SLC25A38: variants seen among roughly 807,000 people sequenced by gnomAD.
SLC25A38 encodes solute carrier family 25 member 38, also known as mitochondrial glycine transporter.
A neutral mutation model predicts 33.4 loss-of-function variants in SLC25A38; 27 were observed. The observed-to-expected ratio is 0.81, with a 90% CI of 0.60 to 1.11. The LOEUF is 1.11. Ranked by LOEUF, SLC25A38 falls within the 50% of genes most tolerant of loss-of-function variation. The pLI is 0.00. For synonymous variants in SLC25A38, 123 were observed against 145.9 expected (o/e 0.84, Z 1.13); for missense variants, 344 against 388.8 (o/e 0.88, Z 0.97).
In SLC25A38 at chr3:39,396,915, G is replaced by A. The variant is rs576792249; in HGVS notation, c.*395G>A. On this transcript the variant is annotated 3_prime_UTR_variant, in exon 7 of 7. Transcript: ENST00000650617. ...CCAGAGAAGCTGTAAGCTGCCTGCCGGGCCTGAGGAGCTCCAACCAGGGAA... is the reference window on the plus strand; with the variant it reads ...CCAGAGAAGCTGTAAGCTGCCTGCCAGGCCTGAGGAGCTCCAACCAGGGAA... 52 of 330,538 alleles carry A rather than the reference G, an allele frequency of 1.6e-4. 1 individual carries two copies. The highest frequency in any genetic ancestry group is 1.1e-3 in the South Asian group (43 of 38,496). 20.5% of individuals were successfully genotyped at this position (330,538 alleles called of 1,614,324 possible).
At position 39,389,745 on chromosome 3, in the gene SLC25A38, A is replaced by G. The variant is rs1328878553; in HGVS notation, c.191+129A>G. ...GAAACACAGGCCATGCCCAACTTTC[A>G]TATGTTCTCTGAATTGTTTTTATAT... On this transcript the variant is annotated intron_variant, in intron 2 of 6. Transcript: ENST00000650617. The surrounding 1 kb of genome is among the most constrained non-coding windows in gnomAD (Gnocchi z 4.5). 1.8e-5 allele frequency: 26 copies of G among 1,452,050 alleles called. No individual in the cohort carries two copies. In the East Asian group the frequency reaches 4.6e-4, roughly 26 times the overall value. The allele number at this position is 1,452,050 out of a possible 1,614,324, so 89.9% of individuals were successfully genotyped here.
rs1453093600 is a variant in SLC25A38 at position 39,397,014 on chromosome 3, C to T, written c.*494C>T. ...GAGGTGATGGTAGGATGAGGAGGAA[C>T]AGATGCCCTTCTTTAATTGGTTCTC... On this transcript the variant is annotated 3_prime_UTR_variant, in exon 7 of 7. Transcript: ENST00000650617. 9.6e-6 allele frequency: 2 copies of T among 207,634 alleles called. No homozygotes were observed. The highest frequency in any genetic ancestry group is 2.0e-5 in the Non-Finnish European group (2 of 100,544). 12.9% of individuals were successfully genotyped at this position (207,634 alleles called of 1,614,324 possible).
chr3:39,393,843 T>C (rs1318212945), intron 5 of SLC25A38, among the ~76,000 whole-genome samples: 1 of 152,230 alleles, frequency 6.6e-6, no homozygotes, highest in African/African-American at 2.4e-5. Flanking sequence ...AATAATGTAC[T>C]TCGTAGTAGT....
rs139033679 is a variant in SLC25A38 at position 39,383,742 on chromosome 3, T to G, written c.18T>G (p.Arg6=). 3.4e-4 allele frequency: 547 copies of G among 1,614,108 alleles called. No homozygotes were observed. The highest frequency in any genetic ancestry group is 1.4e-3 in the Admixed American group (83 of 60,030). Residue 6 remains arginine, a synonymous_variant, in exon 1 of 7, where the codon CGT becomes CGG. Transcript: ENST00000650617. MIQNS[R]PSLLQPQDVG... is the part of the protein sequence containing the mutation. ...CATCTCCAATGATTCAGAACTCACG[T>G]CCGTCGCTGCTGCAACCCCAAGATG...
rs2041743397 is a variant in SLC25A38, at chr3:39,389,951, T to G, written c.191+335T>G. ...TATCTGTTTTTGTTTTTGTTTTATT[T>G]GTTTTTTGAGGCAGATGCTCGCTCT... On this transcript the variant is annotated intron_variant, in intron 2 of 6. Coordinates refer to ENST00000650617, the MANE Select transcript of SLC25A38 (RefSeq NM_017875.4). The surrounding 1 kb of genome is among the most constrained non-coding windows in gnomAD (Gnocchi z 4.5). Among the ~76,000 whole-genome samples the G allele has an allele frequency of 6.6e-6, 1 of 152,208 alleles. No individual in the cohort carries two copies. Among genetic ancestry groups the G allele is most frequent in the Non-Finnish European group, 1.5e-5 (1 of 68,050 alleles).
intron 5 of SLC25A38, among the ~76,000 whole-genome samples, chr3:39,392,441 G>A (rs1357620727): frequency 6.6e-6 from 1 of 152,046 alleles, no homozygotes; most frequent in African/African-American, 2.4e-5. Context: ...TAAAGTCAGG[G>A]AAACAGTAGT....
intron 4 of SLC25A38, 36 bp from the exon 5 acceptor site, chr3:39,391,817 T>C: frequency 1.2e-6 from 2 of 1,612,720 alleles, no homozygotes; most frequent in South Asian, 2.2e-5. Flanking sequence ...ATGCAGCGCC[T>C]CCATGCGAGT....
chr3:39,389,660 C>T lies in SLC25A38; in HGVS notation c.191+44C>T. 1 of 1,614,048 alleles carries T rather than the reference C, an allele frequency of 6.2e-7. No individual in the cohort carries two copies. Among genetic ancestry groups the T allele is most frequent in the Non-Finnish European group, 8.5e-7 (1 of 1,179,978 alleles). Reference sequence around the variant, plus strand: ...TGGGGAACTGATTTCAGCAACTTCTCAGACACAGGAACATCTTTACTGTGT... The same window carrying T: ...TGGGGAACTGATTTCAGCAACTTCTTAGACACAGGAACATCTTTACTGTGT... On this transcript the variant is annotated intron_variant, in intron 2 of 6. Transcript: ENST00000650617. The surrounding 1 kb of genome is among the most constrained non-coding windows in gnomAD (Gnocchi z 4.5).
intron 4 of SLC25A38, 33 bp from the exon 5 acceptor site, chr3:39,391,820 A>G (rs764829310): frequency 6.2e-7 from 1 of 1,612,744 alleles, no homozygotes. Flanking sequence ...CAGCGCCTCC[A>G]TGCGAGTCAC....
intron 1 of SLC25A38, 138 bp downstream of exon 1, chr3:39,383,931 A>T: frequency 1.0e-6 from 1 of 967,894 alleles, no homozygotes; most frequent in South Asian, 1.4e-5. Context: ...GCGGGAGAGG[A>T]GTCTGACTAA....
intron 1 of SLC25A38, chr3:39,388,574 A>G (rs142382041): frequency 1.7e-3 from 265 of 152,340 alleles, no homozygotes; most frequent in African/African-American, 6.1e-3. Context: ...TGCAAATGCC[A>G]CTTAATAAGG....
intron 5 of SLC25A38, among the ~76,000 whole-genome samples, chr3:39,392,246 T>C (rs918695921): frequency 3.6e-5 from 5 of 139,164 alleles, no homozygotes; most frequent in Admixed American, 7.1e-5. Flanking sequence ...ACCACTATAA[T>C]TTGGCGGGGT....
At chr3:39,386,163 G>A (rs2041706519) in intron 1 of SLC25A38, among the ~76,000 whole-genome samples, 1 of 151,958 alleles carries the variant, frequency 6.6e-6, no homozygotes, top group Admixed American at 6.5e-5. Flanking sequence ...GTCATTACTT[G>A]TATTTTTATT....
At position 39,389,829 on chromosome 3, in the gene SLC25A38, C is replaced by T. The variant is rs755632943; in HGVS notation, c.191+213C>T. 1.3e-5 allele frequency among the ~76,000 whole-genome samples: 2 copies of T among 152,182 alleles called. No individual in the cohort carries two copies. Among genetic ancestry groups the T allele is most frequent in the Non-Finnish European group, 2.9e-5 (2 of 68,026 alleles). On this transcript the variant is annotated intron_variant, in intron 2 of 6. Transcript: ENST00000650617. This position sits in a 1 kb window ranked among gnomAD's most constrained non-coding sequence, Gnocchi z 4.5. ...CCTGAGCAGCTTCCTGGAATCGGCT[C>T]AGTGACATTTACACTTTATTGTGTT...
chr3:39,384,983 G>A (rs2041694299), intron 1 of SLC25A38, among the ~76,000 whole-genome samples: 1 of 151,924 alleles, frequency 6.6e-6, no homozygotes, highest in Admixed American at 6.6e-5. Flanking sequence ...TGTATTTTTA[G>A]TAGAGAGAGG....
chr3:39,383,954 G>A (rs1465462278), intron 1 of SLC25A38, among the ~76,000 whole-genome samples, 161 bp downstream of exon 1: 2 of 152,190 alleles, frequency 1.3e-5, no homozygotes, highest in African/African-American at 2.4e-5. Flanking sequence ...GAATTGAGAA[G>A]GGGGCAGGGA....
chr3:39,388,882 G>A (rs908827710), intron 1 of SLC25A38, among the ~76,000 whole-genome samples: 2 of 152,180 alleles, frequency 1.3e-5, no homozygotes, highest in African/African-American at 4.8e-5. Context: ...GTATATGACG[G>A]TTCATGGGTT....
chr3:39,395,349 G>C (rs2041816203), intron 6 of SLC25A38, among the ~76,000 whole-genome samples: 3 of 151,998 alleles, frequency 2.0e-5, no homozygotes, highest in African/African-American at 7.3e-5. Context: ...GAAGCAGGAG[G>C]ATCCCTTGAG....
chr3:39,396,380 C>A lies in SLC25A38; in HGVS notation c.793-18C>A. The A allele has an allele frequency of 6.2e-7, 1 of 1,614,098 alleles. No homozygotes were observed. On this transcript the variant is annotated intron_variant, in intron 6 of 6. Coordinates refer to ENST00000650617, the MANE Select transcript of SLC25A38 (RefSeq NM_017875.4). ...TGCTACTTTGCTTCCAGAGTTCTGACATTTATTTTCACCATAGGACTATGG... is the reference window on the plus strand; with the variant it reads ...TGCTACTTTGCTTCCAGAGTTCTGAAATTTATTTTCACCATAGGACTATGG...
Sources: gnomAD v4.1 joint callset for allele counts (sites outside exome capture counted in the v4.1 genomes callset) on GRCh38, gnomAD v4.1.1 for gene constraint, Gnocchi (gnomAD v3.1) non-coding constraint, MANE v1.5 for transcripts, NCBI Gene and HGNC (gene_info 2026-07-23, HGNC 2026-07-21) for gene names.